Variants in ACOT1 observed in about 807,000 individuals in gnomAD.
ACOT1 encodes acyl-CoA thioesterase 1.
A neutral mutation model predicts 15.7 loss-of-function variants in ACOT1; 8 were observed. The observed-to-expected ratio is 0.51, with a 90% confidence interval of 0.30 to 0.92. The LOEUF (loss-of-function observed/expected upper bound fraction) is 0.92, where lower values mean the gene tolerates loss of function less well. Among genes scored for constraint, ACOT1 ranks in the 40% least tolerant of loss-of-function variants. The pLI is 0.06. For missense variants in ACOT1, 151 were observed against 539.4 expected (o/e 0.28, Z 7.13); for synonymous variants, 67 against 241.2 (o/e 0.28, Z 6.69).
the ACOT1 span, chr14:73,512,123 C>A: frequency 1.2e-6 from 2 of 1,614,146 alleles, no homozygotes; most frequent in Non-Finnish European, 1.7e-6. Context: ...AGCAGGTTCT[C>A]TACTGTCTCA....
chr14:73,510,144 T>C, the ACOT1 span, among the ~76,000 whole-genome samples: 2 of 151,798 alleles, frequency 1.3e-5, no homozygotes, highest in East Asian at 3.9e-4. Flanking sequence ...TACAGACGTG[T>C]GCCACCGCCC....
chr14:73,521,659 A>G, the ACOT1 span, among the ~76,000 whole-genome samples: 6 of 152,236 alleles, frequency 3.9e-5, no homozygotes, highest in Admixed American at 6.5e-5. Flanking sequence ...TAAATGAGAT[A>G]GAAGCAATCT....
chr14:73,501,569 C>CTTTTTTTT, the ACOT1 span, among the ~76,000 whole-genome samples: 1 of 108,154 alleles, frequency 9.2e-6, no homozygotes, highest in Non-Finnish European at 1.9e-5. Context: ...GTCTCTCTCT[C>CTTTTTTTT]TTTTTTTTTT....
At chr14:73,524,310 A>AAAAATATAT in the ACOT1 span, among the ~76,000 whole-genome samples, 567 of 54,680 alleles carry the variant, frequency 0.01, 5 homozygotes, top group Non-Finnish European at 0.014. Context: ...AAAAAAAAAA[A>AAAAATATAT]ATATATATAT....
the ACOT1 span, among the ~76,000 whole-genome samples, chr14:73,499,456 G>T: frequency 1.3e-5 from 2 of 152,090 alleles, no homozygotes. Context: ...CTCCAGCCTG[G>T]GTGACAGAGC....
the ACOT1 span, among the ~76,000 whole-genome samples, chr14:73,508,967 A>C: frequency 1.3e-5 from 2 of 151,980 alleles, no homozygotes; most frequent in East Asian, 3.9e-4. Context: ...ATAAGCATGT[A>C]TATATAGGTC....
chr14:73,521,072 G>T, the ACOT1 span: 1 of 1,580,330 alleles, frequency 6.3e-7, no homozygotes, highest in Non-Finnish European at 8.7e-7. Context: ...GGAAAAGGGG[G>T]AAAGAGTAGG....
upstream of ACOT1, chr14:73,537,118 G>T: frequency 3.8e-6 from 1 of 265,496 alleles, no homozygotes; most frequent in Non-Finnish European, 6.5e-6. Context: ...CGAGTAGCCG[G>T]GACGAACCAG....
At chr14:73,512,887 A>G in the ACOT1 span, among the ~76,000 whole-genome samples, 1 of 152,132 alleles carries the variant, frequency 6.6e-6, no homozygotes, top group Non-Finnish European at 1.5e-5. Context: ...GCACTAACTA[A>G]GCTTGTCTAT....
At chr14:73,513,545 G>A in the ACOT1 span, among the ~76,000 whole-genome samples, 1 of 151,746 alleles carries the variant, frequency 6.6e-6, no homozygotes, top group South Asian at 2.1e-4. Context: ...GGCCAACATG[G>A]TGAAACCCCA....
the ACOT1 span, chr14:73,511,911 A>G: frequency 2.0e-6 from 3 of 1,482,906 alleles, no homozygotes; most frequent in South Asian, 1.2e-5. Context: ...CATTTGTAAA[A>G]TGATCTCAGA....
intron 1 of ACOT1, among the ~76,000 whole-genome samples, chr14:73,538,978 C>CAAAAACA (rs1888979243): frequency 8.7e-6 from 1 of 115,120 alleles, no homozygotes; most frequent in African/African-American, 2.8e-5. Context: ...AAAACAAAAA[C>CAAAAACA]AAAAACAAAA....
At chr14:73,524,310 A>AAAAAAAAAAAAAAAAATATATATAT in the ACOT1 span, among the ~76,000 whole-genome samples, 2 of 54,784 alleles carry the variant, frequency 3.7e-5, no homozygotes, top group African/African-American at 1.8e-4. Flanking sequence ...AAAAAAAAAA[A>AAAAAAAAAAAAAAAAATATATATAT]ATATATATAT....
chr14:73,497,056 C>G, the ACOT1 span, among the ~76,000 whole-genome samples: 1 of 152,142 alleles, frequency 6.6e-6, no homozygotes, highest in Non-Finnish European at 1.5e-5. Flanking sequence ...CCATCATGCC[C>G]AGCTAGTTTT....
the ACOT1 span, chr14:73,491,734 G>C: frequency 1.4e-3 from 2,153 of 1,553,836 alleles, 29 homozygotes; most frequent in African/African-American, 0.026. Flanking sequence ...CCTACTACCA[G>C]GGACTTTTCT....
the ACOT1 span, among the ~76,000 whole-genome samples, chr14:73,513,425 CACTCCGGCCTGGGCAACAGAGTGAA>C: frequency 6.7e-6 from 1 of 148,768 alleles, no homozygotes; most frequent in Non-Finnish European, 1.5e-5. Flanking sequence ...AGTGCCATGG[CACTCCGGCCTGGGCAACAGAGTGAA>C]ATTCCATCTC....
At chr14:73,539,040 T>C (rs993396589) in intron 1 of ACOT1, among the ~76,000 whole-genome samples, 1 of 115,882 alleles carries the variant, frequency 8.6e-6, no homozygotes, top group African/African-American at 2.8e-5. Context: ...TTCTTATTTA[T>C]GTATGGACCA....
chr14:73,508,275 C>T, the ACOT1 span: 2 of 1,613,840 alleles, frequency 1.2e-6, no homozygotes, highest in Non-Finnish European at 1.7e-6. Flanking sequence ...GAGCTGCAGC[C>T]CAGCTATCCA....
the ACOT1 span, among the ~76,000 whole-genome samples, chr14:73,513,722 C>T: frequency 1.7e-3 from 163 of 93,670 alleles, 1 homozygote; most frequent in Admixed American, 2.7e-3. Context: ...AGCGAAACTA[C>T]GTCTCCAAAA....
Sources: allele counts gnomAD v4.1 joint callset (sites outside exome capture counted in the v4.1 genomes callset), GRCh38; gene constraint gnomAD v4.1.1; transcripts MANE v1.5; gene names NCBI Gene and HGNC (gene_info 2026-07-23, HGNC 2026-07-21).